Variants in PKNOX2 observed in about 807,000 individuals in gnomAD.
PKNOX2 encodes homeobox protein PKNOX2.
In PKNOX2, 14 loss-of-function variants were observed where a neutral mutation model predicts 53.1. That is an observed-to-expected ratio of 0.26 (90% confidence interval 0.17 to 0.41). The LOEUF is 0.41. Among genes scored for constraint, PKNOX2 ranks in the 10% least tolerant of loss-of-function variants. The pLI, the probability that PKNOX2 is intolerant of heterozygous loss-of-function variation, is 1.00. For missense variants in PKNOX2, 496 were observed against 602.8 expected (o/e 0.82, Z 1.85); for synonymous variants, 257 against 242.8 (o/e 1.06, Z -0.54).
chr11:125,386,336 G>A (rs1473635518), intron 6 of PKNOX2, among the ~76,000 whole-genome samples: 1 of 152,192 alleles, frequency 6.6e-6, no homozygotes, highest in Admixed American at 6.5e-5. Context: ...CAGTGAGTTT[G>A]GTGGGAGCCT....
At chr11:125,315,303 GAAAAAAAAA>G (rs534448203) in intron 2 of PKNOX2, among the ~76,000 whole-genome samples, 1,893 of 79,454 alleles carry the variant, frequency 0.024, 85 homozygotes, top group African/African-American at 0.068. Context: ...TGTGAAGCAG[GAAAAAAAAA>G]AAAAAAAAAA....
chr11:125,380,145 G>A (rs889795829), intron 5 of PKNOX2, among the ~76,000 whole-genome samples: 9 of 152,170 alleles, frequency 5.9e-5, no homozygotes, highest in East Asian at 1.9e-4. Context: ...GAAGGCGCCC[G>A]CCCTCCCGGC....
chr11:125,395,914 TTTTTAA>T (rs1475912358), intron 6 of PKNOX2, among the ~76,000 whole-genome samples: 1 of 152,078 alleles, frequency 6.6e-6, no homozygotes. Context: ...AGAGTAAACA[TTTTTAA>T]TTTTGACAGC....
rs926770982 is a variant in PKNOX2, at chr11:125,166,205, C to T, written c.-201+1429C>T. Among the ~76,000 whole-genome samples, 1 of 152,036 alleles carries T rather than the reference C, an allele frequency of 6.6e-6. No homozygotes were observed. The highest frequency in any genetic ancestry group is 2.4e-5 in the African/African-American group (1 of 41,380). ...AGGAACGGGTGGCGTTTTTAGGATT[C>T]AGTAACAGGATCACAGCTTTTTCTT... On this transcript the variant is annotated intron_variant, in intron 1 of 12. Transcript: ENST00000298282. This position sits in a 1 kb window ranked among gnomAD's most constrained non-coding sequence, Gnocchi z 4.0.
chr11:125,430,166 C>A (rs2135703949), intron 12 of PKNOX2, 25 bp downstream of exon 12: 1 of 1,608,994 alleles, frequency 6.2e-7, no homozygotes, highest in Admixed American at 1.7e-5. Context: ...TGAGTGCACC[C>A]TAGACAAGGG....
chr11:125,347,079 A>G (rs1421776316), intron 3 of PKNOX2, among the ~76,000 whole-genome samples: 1 of 152,196 alleles, frequency 6.6e-6, no homozygotes, highest in Non-Finnish European at 1.5e-5. Context: ...AATGGCGTGA[A>G]GGAAGAAAAC....
chr11:125,384,833 G>A (rs1363201184), intron 5 of PKNOX2, among the ~76,000 whole-genome samples: 2 of 151,514 alleles, frequency 1.3e-5, no homozygotes, highest in Admixed American at 6.6e-5. Context: ...TGTCTGCTAT[G>A]AGCATGCATG....
chr11:125,270,238 CT>C (rs1446794745), intron 2 of PKNOX2, among the ~76,000 whole-genome samples: 22 of 152,364 alleles, frequency 1.4e-4, no homozygotes, highest in African/African-American at 4.6e-4. Context: ...CCTCTCTCCC[CT>C]GGGAGGAATC....
intron 2 of PKNOX2, among the ~76,000 whole-genome samples, chr11:125,263,632 G>C (rs1027352791): frequency 1.3e-5 from 2 of 152,244 alleles, no homozygotes; most frequent in Non-Finnish European, 2.9e-5. Context: ...CAGCGCGGGA[G>C]GGGGAGAGCT....
chr11:125,376,190 G>T (rs959439277), intron 5 of PKNOX2, among the ~76,000 whole-genome samples: 7 of 152,190 alleles, frequency 4.6e-5, no homozygotes, highest in African/African-American at 1.7e-4. Context: ...CCACCCACCT[G>T]GGGGAGGAGA....
chr11:125,281,745 G>A (rs924605815), intron 2 of PKNOX2, among the ~76,000 whole-genome samples: 5 of 152,196 alleles, frequency 3.3e-5, no homozygotes, highest in Non-Finnish European at 7.3e-5. Context: ...CAACCACAGA[G>A]CTTAAAGAAG....
chr11:125,309,021 A>G (rs750064891), intron 2 of PKNOX2, among the ~76,000 whole-genome samples: 3 of 152,234 alleles, frequency 2.0e-5, no homozygotes, highest in Admixed American at 6.5e-5. Context: ...TGTTCCTCTT[A>G]TGGAGTAAAC....
chr11:125,228,334 C>T (rs143879872), intron 1 of PKNOX2, among the ~76,000 whole-genome samples: 3 of 152,252 alleles, frequency 2.0e-5, no homozygotes, highest in African/African-American at 7.2e-5. Flanking sequence ...CCTTGGCTAC[C>T]TTATTGCACC....
At chr11:125,248,903 A>G (rs1943777050) in intron 2 of PKNOX2, among the ~76,000 whole-genome samples, 1 of 117,778 alleles carries the variant, frequency 8.5e-6, no homozygotes, top group African/African-American at 2.8e-5. Context: ...TAATATATAT[A>G]ACGTATATAT....
chr11:125,312,396 G>T (rs986848546), intron 2 of PKNOX2, among the ~76,000 whole-genome samples: 1 of 152,176 alleles, frequency 6.6e-6, no homozygotes, highest in Non-Finnish European at 1.5e-5. Flanking sequence ...TTTCAGTTGG[G>T]GCTGAAGCTG....
At chr11:125,209,632 T>C (rs966040786) in intron 1 of PKNOX2, among the ~76,000 whole-genome samples, 2 of 151,768 alleles carry the variant, frequency 1.3e-5, no homozygotes, top group African/African-American at 4.8e-5. Context: ...TTGGAGAACA[T>C]TCATAAAGCA....
chr11:125,218,411 G>T (rs58384344), intron 1 of PKNOX2, among the ~76,000 whole-genome samples: 5 of 151,428 alleles, frequency 3.3e-5, no homozygotes, highest in East Asian at 1.9e-4. Context: ...CAGTGATGGG[G>T]GGGGGACAGG....
At position 125,422,933 on chromosome 11, in the gene PKNOX2, G is replaced by T. The variant is rs570431741; in HGVS notation, c.937-6079G>T. Among the ~76,000 whole-genome samples, 3 of 152,234 alleles carry T rather than the reference G, an allele frequency of 2.0e-5. No homozygotes were observed. The East Asian group carries it at 5.8e-4, about 29-fold the overall frequency. The stretch of plus-strand genomic sequence containing the variant: ...CTTCTTCAGAGACACAGCCACATGC[G>T]TCAAGCTACAGACTTATTTGTTATT... On this transcript the variant is annotated intron_variant, in intron 10 of 12. Coordinates refer to ENST00000298282, the MANE Select transcript of PKNOX2 (RefSeq NM_001382323.2). The surrounding 1 kb of genome is among the most constrained non-coding windows in gnomAD (Gnocchi z 4.1).
At chr11:125,236,553 C>T (rs1234875052) in intron 2 of PKNOX2, among the ~76,000 whole-genome samples, 5 of 152,156 alleles carry the variant, frequency 3.3e-5, no homozygotes, top group African/African-American at 1.2e-4. Context: ...CCTGCGCATC[C>T]CCCCGATCCC....
Sources: gnomAD v4.1 joint callset for allele counts (sites outside exome capture counted in the v4.1 genomes callset) on GRCh38, gnomAD v4.1.1 for gene constraint, Gnocchi (gnomAD v3.1) non-coding constraint, MANE v1.5 for transcripts, NCBI Gene and HGNC (gene_info 2026-07-23, HGNC 2026-07-21) for gene names.